The following LRBA variants were observed in gnomAD, a reference collection of about 807,000 sequenced individuals.
LRBA encodes the protein LPS responsive beige-like anchor protein.
Under a neutral mutation model 330.0 loss-of-function variants are expected in LRBA, and 176 were observed. That is an observed-to-expected ratio of 0.53 (90% CI 0.47 to 0.60). The LOEUF (loss-of-function observed/expected upper bound fraction) is 0.60. LRBA is among the 20% of genes least tolerant of loss of function. The pLI is 0.00. For missense variants in LRBA, 3,259 were observed against 3,444.8 expected (o/e 0.95, Z 1.35); for synonymous variants, 1,230 against 1,193.0 (o/e 1.03, Z -0.64).
chr4:150,663,025 T>C (rs890468586), intron 37 of LRBA, among the ~76,000 whole-genome samples: 2 of 152,054 alleles, frequency 1.3e-5, no homozygotes, highest in Non-Finnish European at 2.9e-5. Flanking sequence ...AGGGGTTAGA[T>C]CAGTAGAAAG....
intron 35 of LRBA, among the ~76,000 whole-genome samples, chr4:150,748,282 T>C (rs1459985179): frequency 6.6e-6 from 1 of 152,234 alleles, no homozygotes; most frequent in Non-Finnish European, 1.5e-5. Flanking sequence ...ACTTATCTGC[T>C]TTCATTCTTG....
chr4:150,873,360 G>T (rs552658860), intron 17 of LRBA, among the ~76,000 whole-genome samples: 2 of 152,186 alleles, frequency 1.3e-5, no homozygotes, highest in South Asian at 4.1e-4. Flanking sequence ...GGAGGCCAAG[G>T]CAGGCAGATC....
At chr4:150,376,685 T>C (rs913027465) in intron 47 of LRBA, among the ~76,000 whole-genome samples, 1 of 152,186 alleles carries the variant, frequency 6.6e-6, no homozygotes, top group African/African-American at 2.4e-5. Flanking sequence ...AATAAGTTTT[T>C]AAATGAACAC....
At chr4:150,686,877 A>G (rs1254733358) in intron 36 of LRBA, among the ~76,000 whole-genome samples, 1 of 152,138 alleles carries the variant, frequency 6.6e-6, no homozygotes, top group Non-Finnish European at 1.5e-5. Flanking sequence ...ATAAGCTATT[A>G]AAGTTTGTTC....
At position 150,908,287 on chromosome 4, in the gene LRBA, G is replaced by T. The variant is rs752833915; in HGVS notation, c.1493+47C>A. ...AAATATTGTATAGCTCAACAGTGATGAAATTAACCCTCACAGCCAATTAAA... is the reference window on the plus strand; with the variant it reads ...AAATATTGTATAGCTCAACAGTGATTAAATTAACCCTCACAGCCAATTAAA... On this transcript the variant is annotated intron_variant, in intron 11 of 56. Coordinates refer to ENST00000651943, the MANE Select transcript of LRBA (RefSeq NM_001364905.1). 6 of 1,580,086 alleles carry T rather than the reference G, an allele frequency of 3.8e-6. No homozygotes were observed. The Admixed American group carries it at 5.9e-5, about 16-fold the overall frequency.
chr4:151,008,390 T>C (rs977803760), intron 2 of LRBA, among the ~76,000 whole-genome samples: 1 of 151,988 alleles, frequency 6.6e-6, no homozygotes, highest in African/African-American at 2.4e-5. Flanking sequence ...CTAAAATTAG[T>C]GGTTTTTATG....
Position 150,908,789 on chromosome 4 carries a change from A to G in LRBA, c.1230T>C (p.Asp410=), listed in dbSNP as rs1195332046. ...ATGCAATGGCACTAGAGAGTTTCCC[A>G]TCGTACAATAAAAGTTTGTGATGCT... ...LAEHHKLLLY[D]GKLSSAIAFT... is the part of the protein sequence containing the mutation. The change falls in exon 10 of 57, where the codon GAT becomes GAC. Residue 410 remains aspartate (D), a synonymous_variant. Coordinates refer to ENST00000651943, the MANE Select transcript of LRBA (RefSeq NM_001364905.1). 5.0e-6 allele frequency: 8 copies of G among 1,613,744 alleles called. No homozygotes were observed. The African/African-American group carries it at 8.0e-5, about 16-fold the overall frequency.
At chr4:150,803,889 G>A (rs1270651829) in intron 33 of LRBA, among the ~76,000 whole-genome samples, 1 of 152,066 alleles carries the variant, frequency 6.6e-6, no homozygotes, top group Non-Finnish European at 1.5e-5. Flanking sequence ...GGATATAGAA[G>A]TGTCCATTGC....
chr4:150,644,001 AC>A (rs559250800), intron 37 of LRBA, among the ~76,000 whole-genome samples: 7 of 151,908 alleles, frequency 4.6e-5, no homozygotes, highest in Non-Finnish European at 1.0e-4. Flanking sequence ...GCTATAGATG[AC>A]CGTGTTTCAA....
intron 26 of LRBA, among the ~76,000 whole-genome samples, chr4:150,848,135 C>T (rs1750103755): frequency 6.6e-6 from 1 of 152,114 alleles, no homozygotes; most frequent in South Asian, 2.1e-4. Flanking sequence ...CTGCCTCAGC[C>T]TCCCAAGTAG....
At chr4:151,003,807 G>T (rs921555800) in intron 2 of LRBA, among the ~76,000 whole-genome samples, 1 of 150,066 alleles carries the variant, frequency 6.7e-6, no homozygotes, top group South Asian at 2.1e-4. Context: ...AAAAAGAAAA[G>T]AAAAAACCAA....
intron 18 of LRBA, 113 bp downstream of exon 18, chr4:150,872,550 T>C: frequency 1.6e-6 from 1 of 641,132 alleles, no homozygotes; most frequent in Non-Finnish European, 2.7e-6. Flanking sequence ...CAGCAATTTA[T>C]GAATAAAAAT....
intron 2 of LRBA, among the ~76,000 whole-genome samples, chr4:150,973,148 C>CTGTTTGTTTGTTTGTT (rs3033033): frequency 2.1e-4 from 31 of 149,582 alleles, no homozygotes; most frequent in African/African-American, 6.4e-4. Flanking sequence ...TTTTGTCTGT[C>CTGTTTGTTTGTTTGTT]TGTTTGTTTG....
chr4:150,798,009 T>C, intron 34 of LRBA, 72 bp downstream of exon 34: 1 of 1,005,206 alleles, frequency 9.9e-7, no homozygotes, highest in South Asian at 1.5e-5. Context: ...GTAATGCAAA[T>C]ATAAAATCCC....
chr4:150,372,496 G>A (rs1451394539), intron 47 of LRBA, among the ~76,000 whole-genome samples: 1 of 147,770 alleles, frequency 6.8e-6, no homozygotes, highest in African/African-American at 2.5e-5. Context: ...AGCTAGTAGG[G>A]AGGCTGTGAG....
At chr4:150,778,005 CA>C (rs111862386) in intron 34 of LRBA, among the ~76,000 whole-genome samples, 52 of 133,526 alleles carry the variant, frequency 3.9e-4, no homozygotes, top group African/African-American at 1.3e-3. Flanking sequence ...AAAAACTAGG[CA>C]AAACTGTTCA....
chr4:150,339,831 G>GTTGC (rs988762487), intron 48 of LRBA, among the ~76,000 whole-genome samples: 1 of 147,178 alleles, frequency 6.8e-6, no homozygotes, highest in Non-Finnish European at 1.5e-5. Flanking sequence ...GGAAATTTAC[G>GTTGC]TTGCTCCTTT....
intron 36 of LRBA, among the ~76,000 whole-genome samples, chr4:150,689,055 A>T (rs1783877067): frequency 6.6e-6 from 1 of 152,246 alleles, no homozygotes. Context: ...ACTTGGAACC[A>T]ACCCAAATGT....
chr4:150,890,858 A>C (rs1375974383), intron 17 of LRBA, among the ~76,000 whole-genome samples: 1 of 152,176 alleles, frequency 6.6e-6, no homozygotes, highest in Non-Finnish European at 1.5e-5. Flanking sequence ...CTTTCAATAG[A>C]ATAATTCTTC....
Sources: allele counts gnomAD v4.1 joint callset (sites outside exome capture counted in the v4.1 genomes callset), GRCh38; gene constraint gnomAD v4.1.1; transcripts MANE v1.5; gene names NCBI Gene and HGNC (gene_info 2026-07-23, HGNC 2026-07-21).